SLC22A14: variants seen among roughly 807,000 people sequenced by gnomAD.
SLC22A14 encodes the protein solute carrier family 22 member 14, also known as organic cation transporter-like 4.
A neutral mutation model predicts 53.9 loss-of-function variants in SLC22A14; 50 were observed. That is an observed-to-expected ratio of 0.93 (90% CI 0.74 to 1.17). The LOEUF (loss-of-function observed/expected upper bound fraction) is 1.17, where lower values mean the gene tolerates loss of function less well. Among genes scored for constraint, SLC22A14 ranks in the 50% most tolerant of loss-of-function variants. The pLI, the probability that SLC22A14 is intolerant of heterozygous loss-of-function variation, is 0.00. For synonymous variants in SLC22A14, 312 were observed against 303.0 expected (o/e 1.03, Z -0.31); for missense variants, 671 against 734.7 (o/e 0.91, Z 1.00).
chr3:38,300,340 T>G (rs1472030191), intron 1 of SLC22A14, among the ~76,000 whole-genome samples: 7 of 152,068 alleles, frequency 4.6e-5, no homozygotes, highest in African/African-American at 1.7e-4. Flanking sequence ...CTCGGGAGCC[T>G]GAGGTAGGAG....
At chr3:38,281,666 C>G (rs185390386), upstream of SLC22A14, among the ~76,000 whole-genome samples, 229 of 152,366 alleles carry the variant, frequency 1.5e-3, 1 homozygote, top group African/African-American at 5.1e-3. Context: ...AAGGCCCCAT[C>G]ACGCTACCAC....
intron 5 of SLC22A14, among the ~76,000 whole-genome samples, chr3:38,311,475 A>C (rs955064124): frequency 6.6e-5 from 10 of 152,280 alleles, no homozygotes; most frequent in African/African-American, 2.4e-4. Context: ...ATGAATAAAC[A>C]GCATGGCCAA....
Position 38,306,491 on chromosome 3 carries a change from C to A in SLC22A14, c.465C>A (p.Cys155Ter), listed in dbSNP as rs1203544961. The change falls in exon 2 of 11, where the codon TGC (cysteine) becomes TGA (stop). Residue 155 changes from cysteine to a stop codon, truncating the protein, a stop_gained. Coordinates refer to ENST00000448498, the MANE Select transcript of SLC22A14 (RefSeq NM_001320033.2). LOFTEE classifies it high-confidence loss of function. ...IQFGLNDTDT[C>*]QDGWIYPDAK... Reference sequence around the variant, plus strand: ...TTGGCCTCAATGACACAGACACATGCCAAGATGGGTGGATCTATCCTGACG... The same window carrying A: ...TTGGCCTCAATGACACAGACACATGACAAGATGGGTGGATCTATCCTGACG... 6.2e-7 allele frequency: 1 copy of A among 1,614,152 alleles called. No individual in the cohort carries two copies. Among genetic ancestry groups the A allele is most frequent in the Admixed American group, 1.7e-5 (1 of 60,024 alleles).
At chr3:38,283,503 T>C (rs1703719708) in intron 1 of SLC22A14, among the ~76,000 whole-genome samples, 1 of 152,134 alleles carries the variant, frequency 6.6e-6, no homozygotes, top group Admixed American at 6.5e-5. Context: ...GAAATGGTGC[T>C]GGGCTCTGCT....
intron 8 of SLC22A14, among the ~76,000 whole-genome samples, chr3:38,314,340 G>T (rs1013383757): frequency 1.3e-5 from 2 of 152,252 alleles, no homozygotes; most frequent in African/African-American, 2.4e-5. Flanking sequence ...GGAAATGCCT[G>T]TTGTTCCCTG....
Position 38,316,375 on chromosome 3 carries a change from G to A in SLC22A14, c.1584G>A (p.Leu528=), listed in dbSNP as rs1269309971. Reference sequence around the variant, plus strand: ...TGGCCTCGGTGGCTGGAGCCATCTTGTCCCTGACAATCATCAGCCAGACCC... The same window carrying A: ...TGGCCTCGGTGGCTGGAGCCATCTTATCCCTGACAATCATCAGCCAGACCC... ...VSLASVAGAI[L]SLTIISQTPS... The change falls in exon 10 of 11, where the codon TTG becomes TTA. Residue 528 remains leucine, a synonymous_variant. Coordinates refer to ENST00000448498, the MANE Select transcript of SLC22A14 (RefSeq NM_001320033.2). 15 of 1,614,012 alleles carry A rather than the reference G, an allele frequency of 9.3e-6. No homozygotes were observed. The Admixed American group carries it at 2.3e-4, about 25-fold the overall frequency.
chr3:38,307,453 G>A lies in SLC22A14; in HGVS notation c.620+96G>A, dbSNP rs539322100. On this transcript the variant is annotated intron_variant, in intron 3 of 10. Transcript: ENST00000448498. This position sits in a 1 kb window ranked among gnomAD's most constrained non-coding sequence, Gnocchi z 4.4. Reference sequence around the variant, plus strand: ...GTGTGTCAGGCTGAGGGAGGTGAGGGTAGGGGTTCTCCAGGGACCCATGGA... The same window carrying A: ...GTGTGTCAGGCTGAGGGAGGTGAGGATAGGGGTTCTCCAGGGACCCATGGA... 58 of 1,538,474 alleles carry A rather than the reference G, an allele frequency of 3.8e-5. No homozygotes were observed. In the South Asian group the frequency reaches 4.8e-4, roughly 13 times the overall value.
In SLC22A14 at chr3:38,306,278, G is replaced by A. The variant is rs1231277757; in HGVS notation, c.252G>A (p.Met84Ile). ...CCAGCATCATGTCGGCCTTCTTCAT[G>A]TTTGCTGACCACTTCGTGTTCACAG... ...FIPSIMSAFF[M>I]FADHFVFTAQ... The change falls in exon 2 of 11, where the codon ATG becomes ATA. Residue 84 changes from methionine to isoleucine, a missense_variant. Coordinates refer to ENST00000448498, the MANE Select transcript of SLC22A14 (RefSeq NM_001320033.2). The A allele has an allele frequency of 2.5e-6, 4 of 1,614,166 alleles. No individual in the cohort carries two copies. The South Asian group carries it at 4.4e-5, about 18-fold the overall frequency.
At chr3:38,293,332 C>G (rs555363705) in intron 1 of SLC22A14, among the ~76,000 whole-genome samples, 1 of 152,182 alleles carries the variant, frequency 6.6e-6, no homozygotes, top group Non-Finnish European at 1.5e-5. Context: ...CTCCAAAGTT[C>G]GCTTGCCTGA....
intron 1 of SLC22A14, among the ~76,000 whole-genome samples, chr3:38,290,356 C>T (rs146699159): frequency 3.3e-4 from 50 of 152,280 alleles, no homozygotes; most frequent in Middle Eastern, 3.4e-3. Flanking sequence ...TCCAGGGGTC[C>T]GTGGTAGATC....
At chr3:38,294,320 A>G (rs1384296893) in intron 1 of SLC22A14, among the ~76,000 whole-genome samples, 2 of 152,094 alleles carry the variant, frequency 1.3e-5, no homozygotes, top group African/African-American at 4.8e-5. Context: ...AAGTTGGTAC[A>G]TGTGGCACTT....
chr3:38,296,246 C>T (rs73825509), intron 1 of SLC22A14, among the ~76,000 whole-genome samples: 9,786 of 152,180 alleles, frequency 0.064, 375 homozygotes, highest in East Asian at 0.16. Context: ...GCTGGGAGTT[C>T]GGGATGACAG....
chr3:38,296,065 G>T (rs1011313324), intron 1 of SLC22A14, among the ~76,000 whole-genome samples: 22 of 152,214 alleles, frequency 1.4e-4, no homozygotes, highest in Non-Finnish European at 7.3e-5. Context: ...TACCTAGGAG[G>T]CAGGGATCGG....
chr3:38,315,632 A>G lies in SLC22A14; in HGVS notation c.1453A>G (p.Met485Val), dbSNP rs772085569. ...GAAATCCATGACGATCTTGGTGCTCATGCTCAGAGAGTTCAGCCTGGCCGC... is the reference window on the plus strand; with the variant it reads ...GAAATCCATGACGATCTTGGTGCTCGTGCTCAGAGAGTTCAGCCTGGCCGC... ...ELKSMTILVL[M>V]LREFSLAATV... The change falls in exon 9 of 11, where the codon ATG (methionine) becomes GTG (valine). Residue 485 changes from methionine (M) to valine (V), a missense_variant. Physicochemically the swap from Met to Val is conservative, Grantham distance 21 (BLOSUM62 1). Transcript: ENST00000448498. 2.5e-6 allele frequency: 4 copies of G among 1,613,800 alleles called. 1 individual carries two copies. The South Asian group carries it at 3.3e-5, about 13-fold the overall frequency.
chr3:38,313,007 CG>C lies in SLC22A14; in HGVS notation c.955del (p.Glu319SerfsTer6), dbSNP rs777864511. 1.7e-5 allele frequency: 27 copies of C among 1,580,280 alleles called. No individual in the cohort carries two copies. Among genetic ancestry groups the C allele is most frequent in the Admixed American group, 1.9e-5 (1 of 53,114 alleles). On this transcript the variant is annotated frameshift_variant, in exon 6 of 11. Coordinates refer to ENST00000448498, the MANE Select transcript of SLC22A14 (RefSeq NM_001320033.2). LOFTEE classifies it high-confidence loss of function. ...IPFISYIWIL[P>X]ESPRWLMMKG... The stretch of plus-strand genomic sequence containing the variant: ...AGGGGCTGGCCACGCAGGATTCTCC[CG>C]GAGTCCCCGCGGTGGCTGATGATGA...
chr3:38,310,381 A>G (rs1480764564), intron 5 of SLC22A14, among the ~76,000 whole-genome samples: 1 of 152,196 alleles, frequency 6.6e-6, no homozygotes, highest in East Asian at 1.9e-4. Flanking sequence ...CTGTTTAAAA[A>G]AAATTTCAGT....
intron 1 of SLC22A14, among the ~76,000 whole-genome samples, chr3:38,286,981 C>A (rs1703808481): frequency 6.6e-6 from 1 of 152,124 alleles, no homozygotes; most frequent in African/African-American, 2.4e-5. Context: ...AGGTGATCCA[C>A]CCACCTTGGC....
At position 38,307,289 on chromosome 3, in the gene SLC22A14, C is replaced by T. The variant is rs1447704817; in HGVS notation, c.552C>T (p.Asp184=). The change falls in exon 3 of 11, where the codon GAC becomes GAT. Residue 184 remains aspartate (D), a synonymous_variant. Coordinates refer to ENST00000448498, the MANE Select transcript of SLC22A14 (RefSeq NM_001320033.2). This position sits in a 1 kb window ranked among gnomAD's most constrained non-coding sequence, Gnocchi z 4.4. ...TATGTGGCATGGAGACGAAGAAGGA[C>T]ACTGCACAGATCATGTTCATGGCAG... is the stretch of plus-strand genomic sequence containing the variant. The part of the protein sequence containing the change: ...DLVCGMETKK[D]TAQIMFMAGL... The T allele has an allele frequency of 1.4e-5, 23 of 1,614,104 alleles. No individual in the cohort carries two copies. The highest frequency in any genetic ancestry group is 1.9e-5 in the Non-Finnish European group (22 of 1,179,922).
At chr3:38,309,790 A>G (rs1704415661) in intron 5 of SLC22A14, among the ~76,000 whole-genome samples, 1 of 152,210 alleles carries the variant, frequency 6.6e-6, no homozygotes, top group African/African-American at 2.4e-5. Flanking sequence ...GAGGGAGGTG[A>G]GAAGAAGCTG....
Sources: allele counts gnomAD v4.1 joint callset (sites outside exome capture counted in the v4.1 genomes callset), GRCh38; gene constraint gnomAD v4.1.1; non-coding constraint Gnocchi (gnomAD v3.1); transcripts MANE v1.5; gene names NCBI Gene and HGNC (gene_info 2026-07-23, HGNC 2026-07-21).